Variants in SLC27A4 observed in about 807,000 individuals in gnomAD.
SLC27A4 encodes the protein long-chain fatty acid transport protein 4.
In SLC27A4, 33 loss-of-function variants were observed where a neutral mutation model predicts 64.4. The ratio of observed to expected loss-of-function variants is 0.51; its 90% CI spans 0.39 to 0.68. The LOEUF (loss-of-function observed/expected upper bound fraction) is 0.68, where lower values mean the gene tolerates loss of function less well. Among genes scored for constraint, SLC27A4 ranks in the 30% least tolerant of loss-of-function variants. The pLI is 0.00. For missense variants in SLC27A4, 824 were observed against 883.5 expected, an observed-to-expected ratio of 0.93 and a Z score of 0.85; for synonymous variants, 377 against 370.0, an observed-to-expected ratio of 1.02 and a Z score of -0.22.
chr9:128,348,037 T>C (rs1026035575), intron 3 of SLC27A4, among the ~76,000 whole-genome samples: 11 of 152,058 alleles, frequency 7.2e-5, no homozygotes. Context: ...GTGGGGGTTA[T>C]GTGATGTCCG....
rs1222701258 is a variant in SLC27A4 at position 128,355,393 on chromosome 9, C to T, written c.1463-5C>T. ...CCAGCCCTGCCTCATCCGGCCCCTC[C>T]CTAGGTGATGTGCTGGTGATGGACG... is the stretch of plus-strand genomic sequence containing the variant. On this transcript the variant is annotated splice_region_variant and splice_polypyrimidine_tract_variant and intron_variant, in intron 10 of 12. Coordinates refer to ENST00000300456, the MANE Select transcript of SLC27A4 (RefSeq NM_005094.4). The T allele has an allele frequency of 6.2e-7, 1 of 1,613,470 alleles. No individual in the cohort carries two copies. Among genetic ancestry groups the T allele is most frequent in the Non-Finnish European group, 8.5e-7 (1 of 1,179,996 alleles).
rs767885744 is a variant in SLC27A4 at position 128,345,242 on chromosome 9, C to G, written c.249C>G (p.Thr83=). 5 of 1,613,882 alleles carry G rather than the reference C, an allele frequency of 3.1e-6. No homozygotes were observed. The Admixed American group carries it at 8.3e-5, about 27-fold the overall frequency. Residue 83 remains threonine, a synonymous_variant, in exon 3 of 13, where the codon ACC becomes ACG. Transcript: ENST00000300456. This position sits in a 1 kb window ranked among gnomAD's most constrained non-coding sequence, Gnocchi z 4.1. ...RRTVPILFAS[T]VRRHPDKTAL... ...CAGTGCCCATTTTGTTTGCCTCTACCGTTCGGCGCCACCCCGACAAGACGG... is the reference window on the plus strand; with the variant it reads ...CAGTGCCCATTTTGTTTGCCTCTACGGTTCGGCGCCACCCCGACAAGACGG...
rs1441481812 is a variant in SLC27A4 at position 128,353,590 on chromosome 9, G to T, written c.1324+49G>T. Reference sequence around the variant, plus strand: ...GGGAGGGGTTGGCCTGGGAAGGAAGGAGGCCAGGCGCGTGTGGATGGGGAG... The same window carrying T: ...GGGAGGGGTTGGCCTGGGAAGGAAGTAGGCCAGGCGCGTGTGGATGGGGAG... On this transcript the variant is annotated intron_variant, in intron 9 of 12. Transcript: ENST00000300456. The surrounding 1 kb of genome is among the most constrained non-coding windows in gnomAD (Gnocchi z 4.9). The T allele has an allele frequency of 6.2e-7, 1 of 1,601,494 alleles. No homozygotes were observed. Among genetic ancestry groups the T allele is most frequent in the Non-Finnish European group, 8.5e-7 (1 of 1,171,738 alleles).
In SLC27A4 at chr9:128,350,370, G is replaced by A. The variant is rs762903317; in HGVS notation, c.774G>A (p.Val258=). 1.3e-5 allele frequency: 21 copies of A among 1,613,396 alleles called. No homozygotes were observed. The highest frequency in any genetic ancestry group is 1.7e-5 in the Non-Finnish European group (20 of 1,179,972). The part of the protein sequence containing the change: ...GTTGLPKAAI[V]VHSRYYRMAA... ...CAGGGCTGCCCAAGGCCGCCATCGT[G>A]GTGCACAGCAGGTAAGGGGCAGGTG... Residue 258 remains valine, a synonymous_variant, in exon 5 of 13, where the codon GTG becomes GTA. Coordinates refer to ENST00000300456, the MANE Select transcript of SLC27A4 (RefSeq NM_005094.4).
At chr9:128,344,901 T>G (rs1365821816) in intron 2 of SLC27A4, among the ~76,000 whole-genome samples, 1 of 152,116 alleles carries the variant, frequency 6.6e-6, no homozygotes, top group African/African-American at 2.4e-5. Context: ...TCCATGAAGC[T>G]TTGAGCAGGC....
At chr9:128,346,701 CA>C (rs1231801393) in intron 3 of SLC27A4, among the ~76,000 whole-genome samples, 2 of 147,128 alleles carry the variant, frequency 1.4e-5, no homozygotes, top group Non-Finnish European at 3.0e-5. Context: ...GACCCTGTCT[CA>C]AAAAAAACAA....
intron 1 of SLC27A4, chr9:128,342,466 G>A: frequency 9.2e-6 from 14 of 1,516,698 alleles, no homozygotes; most frequent in South Asian, 1.1e-5. Flanking sequence ...AAAGAGGTTG[G>A]ATCAAGTTTA....
intron 12 of SLC27A4, among the ~76,000 whole-genome samples, chr9:128,357,978 G>A (rs985025267): frequency 1.8e-4 from 28 of 152,134 alleles, no homozygotes; most frequent in African/African-American, 4.8e-4. Context: ...CCGGAGGATT[G>A]AGCAGCACCA....
chr9:128,358,925 C>T (rs943895094), intron 12 of SLC27A4, among the ~76,000 whole-genome samples: 1 of 152,224 alleles, frequency 6.6e-6, no homozygotes, highest in African/African-American at 2.4e-5. Context: ...CCCCCGAGGC[C>T]TAGACTCACC....
chr9:128,342,362 C>T (rs536561595), intron 1 of SLC27A4: 13 of 1,610,898 alleles, frequency 8.1e-6, no homozygotes, highest in Admixed American at 1.7e-5. Flanking sequence ...GCAAGCGAAT[C>T]GTAATGAGGC....
rs1832766092 is a variant in SLC27A4 at position 128,353,363 on chromosome 9, C to G, written c.1198-52C>G. 2 of 1,613,860 alleles carry G rather than the reference C, an allele frequency of 1.2e-6. No homozygotes were observed. The highest frequency in any genetic ancestry group is 1.7e-6 in the Non-Finnish European group (2 of 1,180,000). ...GGAGTCCCACTTCCCCCTCATTGTC[C>G]AGTTTTGGGCCCATGGTGAGAGAGC... On this transcript the variant is annotated intron_variant, in intron 8 of 12. Transcript: ENST00000300456. This position sits in a 1 kb window ranked among gnomAD's most constrained non-coding sequence, Gnocchi z 4.9.
intron 6 of SLC27A4, among the ~76,000 whole-genome samples, chr9:128,351,263 CAA>C: frequency 2.9e-5 from 2 of 69,568 alleles, no homozygotes; most frequent in Admixed American, 3.5e-4. Flanking sequence ...GACACTGTCT[CAA>C]AAAAAAAAAA....
In SLC27A4 at chr9:128,345,085, TG is replaced by T; in HGVS notation, c.162-66del. 1.9e-6 allele frequency: 3 copies of T among 1,595,322 alleles called. No individual in the cohort carries two copies. Among genetic ancestry groups the T allele is most frequent in the Non-Finnish European group, 2.6e-6 (3 of 1,168,318 alleles). On this transcript the variant is annotated intron_variant, in intron 2 of 12. Coordinates refer to ENST00000300456, the MANE Select transcript of SLC27A4 (RefSeq NM_005094.4). The surrounding 1 kb of genome is among the most constrained non-coding windows in gnomAD (Gnocchi z 4.1). Reference sequence around the variant, plus strand: ...AGCATAGGCTGGCGAGGCAGCAGCCTGGGGTAGGGTGTCAGGACCCCTCCCT... The same window carrying T: ...AGCATAGGCTGGCGAGGCAGCAGCCTGGGTAGGGTGTCAGGACCCCTCCCT...
intron 1 of SLC27A4, 89 bp from the exon 2 acceptor site, chr9:128,343,038 G>A (rs1832599690): frequency 6.6e-7 from 1 of 1,515,894 alleles, no homozygotes; most frequent in Non-Finnish European, 9.1e-7. Flanking sequence ...CTGTCCCCTT[G>A]GGATCACAGT....
At position 128,345,403 on chromosome 9, in the gene SLC27A4, A is replaced by G. The variant is rs749944564; in HGVS notation, c.410A>G (p.Asn137Ser). 3.7e-6 allele frequency: 6 copies of G among 1,613,610 alleles called. No individual in the cohort carries two copies. In the African/African-American group the frequency reaches 4.0e-5, roughly 11 times the overall value. Residue 137 changes from asparagine to serine, a missense_variant, in exon 3 of 13, where the codon AAT (asparagine) becomes AGT (serine). By Grantham distance (46) the Asn-to-Ser change is conservative. Coordinates refer to ENST00000300456, the MANE Select transcript of SLC27A4 (RefSeq NM_005094.4). The surrounding 1 kb of genome is among the most constrained non-coding windows in gnomAD (Gnocchi z 4.1). The part of the protein sequence containing the change: ...DVAAIFMENR[N>S]EFVGLWLGMA... ...GCTGCCATCTTCATGGAGAACCGCAATGAGTTCGTGGGCCTATGGCTGGGC... is the reference window on the plus strand; with the variant it reads ...GCTGCCATCTTCATGGAGAACCGCAGTGAGTTCGTGGGCCTATGGCTGGGC...
chr9:128,353,629 A>T lies in SLC27A4; in HGVS notation c.1324+88A>T. The T allele has an allele frequency of 7.3e-7, 1 of 1,368,810 alleles. No individual in the cohort carries two copies. The highest frequency in any genetic ancestry group is 1.0e-6 in the Non-Finnish European group (1 of 985,442). The allele number at this position is 1,368,810 out of a possible 1,614,324, so 84.8% of individuals were successfully genotyped here. On this transcript the variant is annotated intron_variant, in intron 9 of 12. Coordinates refer to ENST00000300456, the MANE Select transcript of SLC27A4 (RefSeq NM_005094.4). This position sits in a 1 kb window ranked among gnomAD's most constrained non-coding sequence, Gnocchi z 4.9. The stretch of plus-strand genomic sequence containing the variant: ...GTGGATGGGGAGCCTTGTTCTGACC[A>T]GTGGCCATCAGTTATCTCTGCTCTT...
chr9:128,354,648 A>G (rs1320756760), intron 9 of SLC27A4, among the ~76,000 whole-genome samples: 1 of 151,888 alleles, frequency 6.6e-6, no homozygotes, highest in Non-Finnish European at 1.5e-5. Context: ...CTCAAATCAG[A>G]TCAAGACACA....
chr9:128,342,333 G>A (rs757243404), intron 1 of SLC27A4: 19 of 1,611,878 alleles, frequency 1.2e-5, no homozygotes, highest in Admixed American at 1.7e-5. Flanking sequence ...CCAAAGAAAC[G>A]ATTGAACAGG....
intron 3 of SLC27A4, among the ~76,000 whole-genome samples, chr9:128,346,580 G>A (rs536739050): frequency 2.0e-5 from 3 of 152,038 alleles, no homozygotes; most frequent in Admixed American, 6.6e-5. Context: ...ACATGGACCT[G>A]TAGTCCCAGC....
Sources: allele counts gnomAD v4.1 joint callset (sites outside exome capture counted in the v4.1 genomes callset), GRCh38; gene constraint gnomAD v4.1.1; non-coding constraint Gnocchi (gnomAD v3.1); transcripts MANE v1.5; gene names NCBI Gene and HGNC (gene_info 2026-07-23, HGNC 2026-07-21).